Variants in FER1L6 observed in about 807,000 individuals in gnomAD.
FER1L6 encodes the protein fer-1 like family member 6, also known as fer-1-like protein 6.
In FER1L6, 177 loss-of-function variants were observed where a neutral mutation model predicts 219.2. That is an observed-to-expected ratio of 0.81 (90% CI 0.71 to 0.91). FER1L6 has a LOEUF of 0.91. Among genes scored for constraint, FER1L6 ranks in the 40% least tolerant of loss-of-function variants. The probability of loss-of-function intolerance (pLI) is 0.00; values close to 1 mark genes in which losing one functional copy is unlikely to be tolerated. For synonymous variants in FER1L6, 768 were observed against 824.3 expected, an observed-to-expected ratio of 0.93 and a Z score of 1.17; for missense variants, 2,153 against 2,259.9, an observed-to-expected ratio of 0.95 and a Z score of 0.96.
At chr8:124,052,114 T>G (rs912944861) in intron 22 of FER1L6, among the ~76,000 whole-genome samples, 10 of 152,188 alleles carry the variant, frequency 6.6e-5, no homozygotes, top group African/African-American at 2.4e-4. Context: ...AATAGATTTG[T>G]GTTGCACAGT....
chr8:123,863,111 G>T (rs1816773266), intron 1 of FER1L6, among the ~76,000 whole-genome samples: 1 of 124,116 alleles, frequency 8.1e-6, no homozygotes, highest in South Asian at 2.7e-4. Context: ...TCTCTTGTGG[G>T]CATTTAGTGC....
At chr8:123,959,396 A>G (rs1420758622) in intron 2 of FER1L6, among the ~76,000 whole-genome samples, 2 of 152,212 alleles carry the variant, frequency 1.3e-5, no homozygotes, top group African/African-American at 4.8e-5. Context: ...CCTTGCAGTC[A>G]AGGAGGGGAG....
chr8:123,873,158 G>C (rs897891484), intron 1 of FER1L6, among the ~76,000 whole-genome samples: 2 of 152,152 alleles, frequency 1.3e-5, no homozygotes, highest in Non-Finnish European at 2.9e-5. Context: ...CCATTTTGGG[G>C]ATTATCAAGA....
intron 34 of FER1L6, among the ~76,000 whole-genome samples, chr8:124,094,293 C>A (rs751213023): frequency 2.0e-5 from 3 of 152,080 alleles, no homozygotes; most frequent in Non-Finnish European, 4.4e-5. Context: ...TGTTTATGAT[C>A]TGTAGATCTT....
At chr8:124,029,506 A>G (rs113117894) in intron 18 of FER1L6, among the ~76,000 whole-genome samples, 2,680 of 152,148 alleles carry the variant, frequency 0.018, 90 homozygotes, top group African/African-American at 0.059. Flanking sequence ...TTTGATTTGC[A>G]TTTCTCTAAA....
chr8:124,067,897 G>C, intron 28 of FER1L6, 91 bp downstream of exon 28: 1 of 976,742 alleles, frequency 1.0e-6, no homozygotes, highest in Non-Finnish European at 1.6e-6. Flanking sequence ...GTGTATTAGA[G>C]CTCAACTCCC....
At chr8:123,904,578 C>T (rs1812918680) in intron 1 of FER1L6, among the ~76,000 whole-genome samples, 2 of 152,090 alleles carry the variant, frequency 1.3e-5, no homozygotes. Flanking sequence ...TTATTTGGGA[C>T]AATAATGACT....
At chr8:123,930,276 G>C (rs1462141443) in intron 1 of FER1L6, among the ~76,000 whole-genome samples, 1 of 152,038 alleles carries the variant, frequency 6.6e-6, no homozygotes, top group South Asian at 2.1e-4. Context: ...ATACAGAATA[G>C]CTCCATTGCC....
intron 20 of FER1L6, 83 bp from the exon 21 acceptor site, chr8:124,045,684 G>C (rs1294321031): frequency 1.4e-6 from 2 of 1,433,898 alleles, no homozygotes; most frequent in Non-Finnish European, 1.9e-6. Flanking sequence ...TCTTTCCCCT[G>C]TATAAGTATT....
At chr8:123,970,407 A>C (rs1162832060) in intron 6 of FER1L6, among the ~76,000 whole-genome samples, 1 of 152,122 alleles carries the variant, frequency 6.6e-6, no homozygotes, top group Admixed American at 6.5e-5. Flanking sequence ...ATCTTAATGC[A>C]TTGTCAGTTT....
At chr8:123,892,067 A>G (rs1022027785) in intron 1 of FER1L6, among the ~76,000 whole-genome samples, 1 of 152,196 alleles carries the variant, frequency 6.6e-6, no homozygotes, top group Non-Finnish European at 1.5e-5. Context: ...GAAAGTTGTA[A>G]AAGGTTATAA....
intron 2 of FER1L6, among the ~76,000 whole-genome samples, chr8:123,956,373 G>GTA (rs1456659203): frequency 1.3e-5 from 2 of 152,248 alleles, no homozygotes; most frequent in African/African-American, 4.8e-5. Context: ...GTGGCTCTGA[G>GTA]TCTCAGCTTC....
intron 22 of FER1L6, among the ~76,000 whole-genome samples, chr8:124,049,974 A>C (rs999454678): frequency 2.6e-5 from 4 of 152,204 alleles, no homozygotes; most frequent in Admixed American, 2.0e-4. Flanking sequence ...TCAGGATGAA[A>C]TATTCTTGCG....
intron 1 of FER1L6, among the ~76,000 whole-genome samples, chr8:123,923,477 G>C (rs1813441156): frequency 6.6e-6 from 1 of 152,094 alleles, no homozygotes; most frequent in Non-Finnish European, 1.5e-5. Flanking sequence ...TGCTTCCCCA[G>C]GGCACTGCAA....
chr8:123,989,938 A>G (rs1816769572), intron 12 of FER1L6, among the ~76,000 whole-genome samples: 2 of 152,122 alleles, frequency 1.3e-5, no homozygotes, highest in African/African-American at 4.8e-5. Flanking sequence ...CAGTAGTAGG[A>G]TTGCTGGATT....
chr8:123,883,189 G>A (rs1195322705), intron 1 of FER1L6, among the ~76,000 whole-genome samples: 2 of 152,236 alleles, frequency 1.3e-5, no homozygotes, highest in Admixed American at 6.5e-5. Flanking sequence ...CTGGTCAGAA[G>A]GATGGGCAAG....
In FER1L6 at chr8:123,857,631, C is replaced by A. The variant is rs7821399; in HGVS notation, c.-8+5446C>A. Among the ~76,000 whole-genome samples the A allele has an allele frequency of 8.6e-3, 1,314 of 152,298 alleles. 9 individuals are homozygous for A. Among genetic ancestry groups the A allele is most frequent in the African/African-American group, 0.03 (1,231 of 41,568 alleles). On this transcript the variant is annotated intron_variant, in intron 1 of 40. Transcript: ENST00000522917. ...TGCTCTACTCTTTCTCTCTTCCTATCACCCCTCCTGTTCCTGGCTCTTACA... is the reference window on the plus strand; with the variant it reads ...TGCTCTACTCTTTCTCTCTTCCTATAACCCCTCCTGTTCCTGGCTCTTACA...
intron 32 of FER1L6, among the ~76,000 whole-genome samples, chr8:124,076,639 A>C (rs751587677): frequency 2.0e-5 from 3 of 152,048 alleles, no homozygotes; most frequent in Admixed American, 6.5e-5. Context: ...TTCTAATTAC[A>C]ATTTTCTGGA....
chr8:124,117,525 A>T lies in FER1L6; in HGVS notation c.5290-1319A>T, dbSNP rs138814585. ...GACTACATATATACATGTTTTCATG[A>T]AACATTTCTAGGTCATAGGACATTT... On this transcript the variant is annotated intron_variant, in intron 39 of 40. Coordinates refer to ENST00000522917, the MANE Select transcript of FER1L6 (RefSeq NM_001039112.2). Among the ~76,000 whole-genome samples the T allele has an allele frequency of 3.8e-3, 583 of 152,330 alleles. 5 individuals carry two copies. The highest frequency in any genetic ancestry group is 0.02 in the South Asian group (97 of 4,826).
Sources: allele counts gnomAD v4.1 joint callset (sites outside exome capture counted in the v4.1 genomes callset), GRCh38; gene constraint gnomAD v4.1.1; transcripts MANE v1.5; gene names NCBI Gene and HGNC (gene_info 2026-07-23, HGNC 2026-07-21).